The following MTSS1 variants were observed in gnomAD, a reference collection of about 807,000 sequenced individuals.
The protein encoded by MTSS1 is MTSS I-BAR domain containing 1.
MTSS1 carries 18 observed loss-of-function variants against 79.0 expected under a neutral mutation model. The observed-to-expected ratio is 0.23, with a 90% confidence interval of 0.16 to 0.34. MTSS1 has a LOEUF of 0.34. MTSS1 is among the 10% of genes least tolerant of loss of function. MTSS1 has a pLI of 1.00. For synonymous variants in MTSS1, 341 were observed against 368.6 expected, an observed-to-expected ratio of 0.93 and a Z score of 0.86; for missense variants, 815 against 986.2, an observed-to-expected ratio of 0.83 and a Z score of 2.33.
At chr8:124,685,897 C>T (rs1241841218) in intron 3 of MTSS1, among the ~76,000 whole-genome samples, 5 of 152,112 alleles carry the variant, frequency 3.3e-5, no homozygotes, top group African/African-American at 7.2e-5. Flanking sequence ...GGACAGGCCA[C>T]GCGGGGTGAA....
chr8:124,717,142 A>G (rs75980960), intron 1 of MTSS1, among the ~76,000 whole-genome samples: 26,977 of 151,978 alleles, frequency 0.18, 2,622 homozygotes, highest in Admixed American at 0.25. Context: ...ACGGTTCTTA[A>G]GTTGTTGCTC....
At position 124,555,774 on chromosome 8, in the gene MTSS1, G is replaced by C. The variant is rs777300669; in HGVS notation, c.1535C>G (p.Pro512Arg). ...SSGYSTQTTT[P>R]CCSEDTIPSQ... is the part of the protein sequence containing the mutation. ...AGGGATGGTGTCCTCAGAGCAGCAG[G>C]GGGTGGTTGTCTGGGTGCTGTAGCC... The change falls in exon 13 of 14, where the codon CCC becomes CGC. Residue 512 changes from proline (P) to arginine (R), a missense_variant. Around this residue, in one of 2 missense-constraint regions of MTSS1, gnomAD observed 590 missense variants for 620.8 expected, o/e 0.95. Coordinates refer to ENST00000518547, the MANE Select transcript of MTSS1 (RefSeq NM_014751.6). The C allele has an allele frequency of 3.1e-6, 5 of 1,613,024 alleles. No homozygotes were observed. Among genetic ancestry groups the C allele is most frequent in the Admixed American group, 3.3e-5 (2 of 59,930 alleles).
At chr8:124,605,269 C>A (rs977437229) in intron 3 of MTSS1, among the ~76,000 whole-genome samples, 7 of 152,238 alleles carry the variant, frequency 4.6e-5, no homozygotes, top group African/African-American at 1.7e-4. Flanking sequence ...CCAGCTCCTG[C>A]CAGCGAAGCA....
chr8:124,659,129 C>T (rs966083858), intron 3 of MTSS1, among the ~76,000 whole-genome samples: 1 of 152,064 alleles, frequency 6.6e-6, no homozygotes, highest in Non-Finnish European at 1.5e-5. Context: ...GAACTCAACA[C>T]TAGTTAAGAA....
In MTSS1 at chr8:124,567,914, G is replaced by A. The variant is rs1586861428; in HGVS notation, c.618+465C>T. The A allele has an allele frequency of 2.1e-6, 3 of 1,415,970 alleles. No individual in the cohort carries two copies. In the East Asian group the frequency reaches 7.7e-5, roughly 36 times the overall value. 87.7% of individuals were successfully genotyped at this position (1,415,970 alleles called of 1,614,324 possible). A position where few individuals can be genotyped will look rare whatever the true frequency, so the allele number is the denominator to read the frequency against. On this transcript the variant is annotated intron_variant, in intron 7 of 13. Transcript: ENST00000518547. ...TTTCCTTAAAAATTAAGTCTAAATT[G>A]ATTCATTGAGGCTCTTGGATATTCA...
chr8:124,583,874 T>G (rs1830440662), intron 6 of MTSS1, among the ~76,000 whole-genome samples: 1 of 152,226 alleles, frequency 6.6e-6, no homozygotes. Flanking sequence ...TGTTACTATG[T>G]CACAAACCCT....
rs936051836 is a variant in MTSS1 at position 124,552,365 on chromosome 8, A to G, written c.*627T>C. ...ACTCTTAAATGTAACAGGATCGGCT[A>G]TGTTGACGATGTACCCCTCCCATGG... On this transcript the variant is annotated 3_prime_UTR_variant, in exon 14 of 14. Transcript: ENST00000518547. 7 of 153,614 alleles carry G rather than the reference A, an allele frequency of 4.6e-5. No homozygotes were observed. Among genetic ancestry groups the G allele is most frequent in the African/African-American group, 1.4e-4 (6 of 41,466 alleles). The allele number at this position is 153,614 out of a possible 1,614,324, so 9.5% of individuals were successfully genotyped here.
chr8:124,603,213 A>T (rs1834229718), intron 3 of MTSS1, among the ~76,000 whole-genome samples: 1 of 152,144 alleles, frequency 6.6e-6, no homozygotes, highest in African/African-American at 2.4e-5. Context: ...TTTAGTAGAG[A>T]TGAGGTTTCA....
At chr8:124,580,521 G>C (rs887733608) in intron 6 of MTSS1, 3 of 1,535,704 alleles carry the variant, frequency 2.0e-6, no homozygotes, top group African/African-American at 2.7e-5. Flanking sequence ...ACCGTGAGCA[G>C]CCACCAGAGA....
At chr8:124,643,434 A>G (rs142377336) in intron 3 of MTSS1, among the ~76,000 whole-genome samples, 3,429 of 152,256 alleles carry the variant, frequency 0.023, 124 homozygotes, top group African/African-American at 0.077. Context: ...GCAGTGGCTC[A>G]TGCCTGTAAT....
intron 3 of MTSS1, among the ~76,000 whole-genome samples, chr8:124,659,698 T>C (rs970017820): frequency 3.2e-4 from 49 of 152,192 alleles, no homozygotes; most frequent in African/African-American, 1.2e-3. Flanking sequence ...AAGGGGACCA[T>C]GTAATGTGCC....
rs553327703 is a variant in MTSS1 at position 124,671,599 on chromosome 8, T to C, written c.208+27927A>G. ...GTGGAGACAGAGTGTTCCAGGACAT[T>C]CCTATTCCCACTGGGTGGCTCAAAC... On this transcript the variant is annotated intron_variant, in intron 3 of 13. Coordinates refer to ENST00000518547, the MANE Select transcript of MTSS1 (RefSeq NM_014751.6). 9.7e-4 allele frequency among the ~76,000 whole-genome samples: 148 copies of C among 152,324 alleles called. 1 individual carries two copies. Among genetic ancestry groups the C allele is most frequent in the Non-Finnish European group, 2.0e-3 (133 of 68,028 alleles).
At chr8:124,590,854 G>A (rs1049749008) in intron 4 of MTSS1, among the ~76,000 whole-genome samples, 7 of 152,180 alleles carry the variant, frequency 4.6e-5, no homozygotes, top group African/African-American at 1.7e-4. Flanking sequence ...AGGGCAGTGG[G>A]GGCCCAAAAG....
At chr8:124,695,818 G>T (rs4871531) in intron 3 of MTSS1, among the ~76,000 whole-genome samples, 54,320 of 150,090 alleles carry the variant, frequency 0.36, 10,492 homozygotes, top group Non-Finnish European at 0.41. Flanking sequence ...GGTCACACAG[G>T]TATATTTTAT....
Position 124,562,792 on chromosome 8 carries a change from G to C in MTSS1, c.1025C>G (p.Ala342Gly). The C allele has an allele frequency of 6.2e-7, 1 of 1,614,026 alleles. No individual in the cohort carries two copies. The highest frequency in any genetic ancestry group is 1.1e-5 in the South Asian group (1 of 91,084). Residue 342 changes from alanine to glycine, a missense_variant, in exon 10 of 14, where the codon GCC (alanine) becomes GGC (glycine). By Grantham distance (60) the Ala-to-Gly change is moderately conservative. This residue lies in a region of MTSS1 where 590 missense variants were observed against 620.8 expected (regional missense o/e 0.95). Coordinates refer to ENST00000518547, the MANE Select transcript of MTSS1 (RefSeq NM_014751.6). Reference sequence around the variant, plus strand: ...CAAGGGCACCCTTACCTGGTTGGGGGCCTCTGGCGGCATGGGGGATGGTGA... The same window carrying C: ...CAAGGGCACCCTTACCTGGTTGGGGCCCTCTGGCGGCATGGGGGATGGTGA... ...SKSPSPMPPE[A>G]PNQLSNGFSH... is the part of the protein sequence containing the mutation.
At position 124,669,105 on chromosome 8, in the gene MTSS1, CA is replaced by C. The variant is rs555151752; in HGVS notation, c.208+30420del. ...TGGATCTCTCAGTAAACACCAGCCA[CA>C]AAATAAGACTCCCCTACCACCTACA... On this transcript the variant is annotated intron_variant, in intron 3 of 13. Transcript: ENST00000518547. Among the ~76,000 whole-genome samples the C allele has an allele frequency of 1.6e-3, 240 of 152,296 alleles. 1 individual carries two copies. The highest frequency in any genetic ancestry group is 0.014 in the Middle Eastern group (4 of 294).
Position 124,651,594 on chromosome 8 carries a change from G to A in MTSS1, c.208+47932C>T, listed in dbSNP as rs548607731. 3.3e-5 allele frequency among the ~76,000 whole-genome samples: 5 copies of A among 152,228 alleles called. No individual in the cohort carries two copies. In the South Asian group the frequency reaches 1.0e-3, roughly 32 times the overall value. On this transcript the variant is annotated intron_variant, in intron 3 of 13. Coordinates refer to ENST00000518547, the MANE Select transcript of MTSS1 (RefSeq NM_014751.6). ...AGAAGGGCCCTTCCCTGAAACCACAGACCAGATAAAGAGCTATGTGAAAGC... is the reference window on the plus strand; with the variant it reads ...AGAAGGGCCCTTCCCTGAAACCACAAACCAGATAAAGAGCTATGTGAAAGC...
At chr8:124,556,048 C>T in intron 12 of MTSS1, 144 bp from the exon 13 acceptor site, 4 of 1,540,536 alleles carry the variant, frequency 2.6e-6, no homozygotes, top group Middle Eastern at 1.7e-4. Flanking sequence ...CTAGAAAGTT[C>T]TGCCTCTCTC....
At chr8:124,608,282 C>T (rs951809399) in intron 3 of MTSS1, among the ~76,000 whole-genome samples, 3 of 152,190 alleles carry the variant, frequency 2.0e-5, no homozygotes, top group Non-Finnish European at 4.4e-5. Context: ...ATAAGAATAA[C>T]TACCAATGAA....
Sources: allele counts gnomAD v4.1 joint callset (sites outside exome capture counted in the v4.1 genomes callset), GRCh38; gene constraint gnomAD v4.1.1; regional missense constraint gnomAD v4.1.1; transcripts MANE v1.5; gene names NCBI Gene and HGNC (gene_info 2026-07-23, HGNC 2026-07-21).